Variants in RAP1GAP2 observed in about 807,000 individuals in gnomAD.
RAP1GAP2 encodes RAP1 GTPase activating protein 2, also known as rap1 GTPase-activating protein 2.
A neutral mutation model predicts 95.0 loss-of-function variants in RAP1GAP2; 27 were observed. That is an observed-to-expected ratio of 0.28 (90% CI 0.21 to 0.39). The LOEUF (loss-of-function observed/expected upper bound fraction) is 0.39, where lower values mean the gene tolerates loss of function less well. Ranked by LOEUF, RAP1GAP2 falls within the 10% of genes least tolerant of loss-of-function variation. RAP1GAP2 has a pLI of 1.00. For synonymous variants in RAP1GAP2, 373 were observed against 380.9 expected, an observed-to-expected ratio of 0.98 and a Z score of 0.24; for missense variants, 771 against 970.0, an observed-to-expected ratio of 0.79 and a Z score of 2.72.
chr17:2,758,336 T>A (rs2071187682), intron 1 of RAP1GAP2, among the ~76,000 whole-genome samples: 1 of 151,292 alleles, frequency 6.6e-6, no homozygotes, highest in African/African-American at 2.4e-5. Context: ...CCACCACGCC[T>A]GGCTAATTTT....
At chr17:3,019,138 C>T (rs1056820303) in intron 18 of RAP1GAP2, among the ~76,000 whole-genome samples, 3 of 152,166 alleles carry the variant, frequency 2.0e-5, no homozygotes, top group African/African-American at 7.2e-5. Flanking sequence ...TGCTGTTCAT[C>T]ACCATGTGTA....
intron 2 of RAP1GAP2, among the ~76,000 whole-genome samples, chr17:2,883,027 C>T (rs554564091): frequency 2.0e-5 from 3 of 152,322 alleles, no homozygotes; most frequent in Non-Finnish European, 4.4e-5. Context: ...TGGGCTTGGG[C>T]AGCCCCTCTT....
intron 1 of RAP1GAP2, among the ~76,000 whole-genome samples, chr17:2,780,495 T>C (rs138041580): frequency 6.6e-6 from 1 of 152,364 alleles, no homozygotes; most frequent in Non-Finnish European, 1.5e-5. Flanking sequence ...CCAAGGCCTG[T>C]TGCCATGGTG....
At chr17:2,960,272 TCCTGCCCTCGGGG>T (rs1237309569) in intron 4 of RAP1GAP2, among the ~76,000 whole-genome samples, 18 of 152,196 alleles carry the variant, frequency 1.2e-4, no homozygotes, top group African/African-American at 3.9e-4. Context: ...AAGTTTGCTC[TCCTGCCCTCGGGG>T]CTGTTCCCAG....
intron 1 of RAP1GAP2, among the ~76,000 whole-genome samples, chr17:2,760,013 T>G (rs1207045746): frequency 2.6e-5 from 4 of 152,174 alleles, no homozygotes; most frequent in African/African-American, 9.6e-5. Context: ...AGATGCCAGT[T>G]TCTTCACAAT....
At chr17:2,777,508 G>C (rs1484736630) in intron 1 of RAP1GAP2, among the ~76,000 whole-genome samples, 1 of 152,178 alleles carries the variant, frequency 6.6e-6, no homozygotes, top group Non-Finnish European at 1.5e-5. Flanking sequence ...GGATGGGTGT[G>C]GGGGTGCCGG....
chr17:2,813,779 G>A (rs2069876823), intron 2 of RAP1GAP2, among the ~76,000 whole-genome samples: 1 of 152,044 alleles, frequency 6.6e-6, no homozygotes, highest in Non-Finnish European at 1.5e-5. Context: ...GGCCAACATG[G>A]TGAAACCCTG....
At chr17:2,831,357 G>A (rs1007988802) in intron 2 of RAP1GAP2, among the ~76,000 whole-genome samples, 2 of 151,364 alleles carry the variant, frequency 1.3e-5, no homozygotes, top group African/African-American at 2.4e-5. Flanking sequence ...GATTACAGGT[G>A]TGAGCCACCA....
At chr17:2,846,178 G>A in intron 2 of RAP1GAP2, among the ~76,000 whole-genome samples, 5 of 148,152 alleles carry the variant, frequency 3.4e-5, no homozygotes, top group Admixed American at 6.7e-5. Context: ...GCGAGACTCT[G>A]TCTCAATTGA....
intron 14 of RAP1GAP2, among the ~76,000 whole-genome samples, chr17:2,999,290 G>A (rs1275534269): frequency 2.6e-5 from 4 of 152,210 alleles, no homozygotes; most frequent in Non-Finnish European, 5.9e-5. Flanking sequence ...GCTGTGGCGG[G>A]CATGGGACTC....
intron 2 of RAP1GAP2, among the ~76,000 whole-genome samples, chr17:2,823,378 G>T (rs1176545884): frequency 6.6e-6 from 1 of 152,242 alleles, no homozygotes; most frequent in East Asian, 1.9e-4. Flanking sequence ...CACGACATAC[G>T]CCCCCAAACA....
chr17:3,037,427 C>T lies in RAP1GAP2; in HGVS notation c.*4066C>T, dbSNP rs965825667. ...CAGCTCTCTCCTGTTTTGGGTGTTC[C>T]CCTTGGACACTCCAGCTCGGGGACT... On this transcript the variant is annotated 3_prime_UTR_variant, in exon 25 of 25. Coordinates refer to ENST00000254695, the MANE Select transcript of RAP1GAP2 (RefSeq NM_015085.5). 1 of 134,868 alleles carries T rather than the reference C, an allele frequency of 7.4e-6. No homozygotes were observed. Among genetic ancestry groups the T allele is most frequent in the Non-Finnish European group, 1.6e-5 (1 of 64,252 alleles). 8.4% of individuals were successfully genotyped at this position (134,868 alleles called of 1,614,324 possible). A position where few individuals can be genotyped will look rare whatever the true frequency, so the allele number is the denominator to read the frequency against.
At chr17:2,908,839 G>A (rs1380074409) in intron 3 of RAP1GAP2, among the ~76,000 whole-genome samples, 1 of 151,992 alleles carries the variant, frequency 6.6e-6, no homozygotes, top group African/African-American at 2.4e-5. Context: ...CCGAGTAGCT[G>A]GGAATATAGG....
chr17:2,773,815 T>G (rs537485108), upstream of RAP1GAP2, among the ~76,000 whole-genome samples: 1 of 151,964 alleles, frequency 6.6e-6, no homozygotes, highest in Admixed American at 6.6e-5. Context: ...TGGAGTGCAA[T>G]GGTGCCATCT....
rs76669507 is a variant in RAP1GAP2 at position 2,860,354 on chromosome 17, A to G, written c.81-44930A>G. Among the ~76,000 whole-genome samples, 32 of 152,162 alleles carry G rather than the reference A, an allele frequency of 2.1e-4. No individual in the cohort carries two copies. In the East Asian group the frequency reaches 6.2e-3, roughly 29 times the overall value. On this transcript the variant is annotated intron_variant, in intron 2 of 24. Transcript: ENST00000254695. The stretch of plus-strand genomic sequence containing the variant: ...ACCTCCCTTTAGCCAGCTTCCCACT[A>G]TTCACTTCACCAAAGGTCTGAGGCC...
At position 2,963,671 on chromosome 17, in the gene RAP1GAP2, G is replaced by C. The variant is rs2044449202; in HGVS notation, c.280-185G>C. On this transcript the variant is annotated intron_variant, in intron 6 of 24. Coordinates refer to ENST00000254695, the MANE Select transcript of RAP1GAP2 (RefSeq NM_015085.5). The surrounding 1 kb of genome is among the most constrained non-coding windows in gnomAD (Gnocchi z 4.8). Reference sequence around the variant, plus strand: ...TAGGCCTTTCAGCCCTGGGGCTACAGGGTTGGCGAATGAAGCTGGAGGTGT... The same window carrying C: ...TAGGCCTTTCAGCCCTGGGGCTACACGGTTGGCGAATGAAGCTGGAGGTGT... 1.3e-5 allele frequency among the ~76,000 whole-genome samples: 2 copies of C among 152,192 alleles called. No homozygotes were observed. Among genetic ancestry groups the C allele is most frequent in the African/African-American group, 4.8e-5 (2 of 41,442 alleles).
At chr17:2,819,570 T>C (rs2070190260) in intron 2 of RAP1GAP2, among the ~76,000 whole-genome samples, 2 of 151,716 alleles carry the variant, frequency 1.3e-5, no homozygotes, top group African/African-American at 4.8e-5. Flanking sequence ...GCCTCCCGGG[T>C]TCCAGCGACT....
chr17:2,862,033 T>G (rs972726320), intron 2 of RAP1GAP2, among the ~76,000 whole-genome samples: 1 of 152,192 alleles, frequency 6.6e-6, no homozygotes. Flanking sequence ...CTCCTTTCTT[T>G]CCTTCTGGAA....
intron 1 of RAP1GAP2, among the ~76,000 whole-genome samples, chr17:2,759,565 C>G (rs1196906503): frequency 6.6e-6 from 1 of 152,342 alleles, no homozygotes; most frequent in South Asian, 2.1e-4. Context: ...ATTCTCCTGC[C>G]TCAGCCCCCG....
Sources: allele counts gnomAD v4.1 joint callset (sites outside exome capture counted in the v4.1 genomes callset), GRCh38; gene constraint gnomAD v4.1.1; non-coding constraint Gnocchi (gnomAD v3.1); transcripts MANE v1.5; gene names NCBI Gene and HGNC (gene_info 2026-07-23, HGNC 2026-07-21).